The following BRAT1 variants were observed in gnomAD, a reference collection of about 807,000 sequenced individuals.
The protein encoded by BRAT1 is integrator complex assembly factor BRAT1.
BRAT1 carries 74 observed loss-of-function variants against 70.6 expected under a neutral mutation model. The ratio of observed to expected loss-of-function variants is 1.05; its 90% confidence interval spans 0.87 to 1.27. The LOEUF is 1.27. BRAT1 is among the 50% of genes most tolerant of loss of function. The pLI is 0.00. For synonymous variants in BRAT1, 615 were observed against 517.1 expected, an observed-to-expected ratio of 1.19 and a Z score of -2.57; for missense variants, 1,203 against 1,098.2, an observed-to-expected ratio of 1.10 and a Z score of -1.35.
intron 2 of BRAT1, among the ~76,000 whole-genome samples, chr7:2,552,260 G>C (rs1780098102): frequency 6.7e-6 from 1 of 149,860 alleles, no homozygotes; most frequent in African/African-American, 2.5e-5. Flanking sequence ...TGGGATTACA[G>C]GCATGGACCA....
intron 1 of BRAT1, 54 bp from the exon 2 acceptor site, chr7:2,554,501 C>CAGA: frequency 6.5e-7 from 1 of 1,543,236 alleles, no homozygotes; most frequent in Non-Finnish European, 8.7e-7. Context: ...ACCCAGCTCG[C>CAGA]TCTAGTCACA....
chr7:2,544,160 C>T (rs1779410147), intron 4 of BRAT1, 198 bp from the exon 5 acceptor site: 2 of 451,752 alleles, frequency 4.4e-6, no homozygotes, highest in South Asian at 9.1e-5. Flanking sequence ...GCGTTAAACA[C>T]ACACAGCTTG....
At chr7:2,551,292 T>C (rs1779990237) in intron 2 of BRAT1, among the ~76,000 whole-genome samples, 1 of 150,466 alleles carries the variant, frequency 6.6e-6, no homozygotes, top group Non-Finnish European at 1.5e-5. Context: ...GATATATATA[T>C]ATCTCATGCT....
At chr7:2,545,701 C>G (rs1779560336) in intron 3 of BRAT1, among the ~76,000 whole-genome samples, 1 of 152,000 alleles carries the variant, frequency 6.6e-6, no homozygotes, top group South Asian at 2.1e-4. Context: ...TGTTGGTTAG[C>G]CTGGTCTCGA....
In BRAT1 at chr7:2,543,142, ACCTC is replaced by A; in HGVS notation, c.923+58_923+61del. On this transcript the variant is annotated intron_variant, in intron 6 of 13. Transcript: ENST00000340611. The surrounding 1 kb of genome is among the most constrained non-coding windows in gnomAD (Gnocchi z 5.5). ...CCCTGCCATGAGGGCTGCGCTCTCA[ACCTC>A]CCTGCCTGCCCCAGCTCCCAGCACC... 1 of 1,492,152 alleles carries A rather than the reference ACCTC, an allele frequency of 6.7e-7. No homozygotes were observed. The highest frequency in any genetic ancestry group is 8.9e-7 in the Non-Finnish European group (1 of 1,119,568). 92.4% of individuals were successfully genotyped at this position (1,492,152 alleles called of 1,614,324 possible).
chr7:2,538,385 T>C lies in BRAT1; in HGVS notation c.2150A>G (p.Gln717Arg). ...GAAGAGAAGGAGGTCACAAGACTTC[T>C]GCGCCACAGGGCGGTCGCAGTCAAA... ...ALFDCDRPVAQKSCDLLLFLR... is the reference protein window; with the variant it reads ...ALFDCDRPVARKSCDLLLFLR... Residue 717 changes from glutamine to arginine, a missense_variant, in exon 14 of 14, where the codon CAG (glutamine) becomes CGG (arginine). Coordinates refer to ENST00000340611, the MANE Select transcript of BRAT1 (RefSeq NM_152743.4). 3 of 1,613,584 alleles carry C rather than the reference T, an allele frequency of 1.9e-6. No individual in the cohort carries two copies. The highest frequency in any genetic ancestry group is 2.5e-6 in the Non-Finnish European group (3 of 1,179,940).
At chr7:2,546,310 T>C (rs1287198985) in intron 3 of BRAT1, among the ~76,000 whole-genome samples, 1 of 151,966 alleles carries the variant, frequency 6.6e-6, no homozygotes, top group Non-Finnish European at 1.5e-5. Context: ...GTGTGGTTCA[T>C]GCACCTGTGG....
At chr7:2,546,728 C>CT (rs1779634213) in intron 3 of BRAT1, among the ~76,000 whole-genome samples, 1 of 152,068 alleles carries the variant, frequency 6.6e-6, no homozygotes, top group Non-Finnish European at 1.5e-5. Context: ...GAGCAAGACT[C>CT]TGTCTCGAAA....
At chr7:2,545,176 CAACAT>C in intron 3 of BRAT1, 120 bp from the exon 4 acceptor site, 1 of 1,140,304 alleles carries the variant, frequency 8.8e-7, no homozygotes, top group Non-Finnish European at 1.2e-6. Context: ...CCAGCCTGAC[CAACAT>C]GGTGAAACCC....
At position 2,554,359 on chromosome 7, in the gene BRAT1, C is replaced by T; in HGVS notation, c.73G>A (p.Asp25Asn). ...AGGAGCTTCTCCAAACAGGTGTCATCTGCCACCGGCTGCCTGGGATCTACC... is the reference window on the plus strand; with the variant it reads ...AGGAGCTTCTCCAAACAGGTGTCATTTGCCACCGGCTGCCTGGGATCTACC... ...VLVDPRQPVA[D>N]DTCLEKLLDW... is the part of the protein sequence containing the mutation. The change falls in exon 2 of 14, where the codon GAT becomes AAT. Residue 25 changes from aspartate to asparagine, a missense_variant. Transcript: ENST00000340611. 6.2e-7 allele frequency: 1 copy of T among 1,614,128 alleles called. No individual in the cohort carries two copies. Among genetic ancestry groups the T allele is most frequent in the Non-Finnish European group, 8.5e-7 (1 of 1,179,980 alleles).
intron 2 of BRAT1, among the ~76,000 whole-genome samples, chr7:2,553,153 T>C (rs940569512): frequency 3.9e-5 from 6 of 152,216 alleles, no homozygotes; most frequent in African/African-American, 1.4e-4. Flanking sequence ...CCCCTCAGTC[T>C]CCCAAGTAGC....
Position 2,538,550 on chromosome 7 carries a change from A to C in BRAT1, c.1985T>G (p.Leu662Arg). The change falls in exon 14 of 14, where the codon CTG (leucine) becomes CGG (arginine). Residue 662 changes from leucine to arginine, a missense_variant. Transcript: ENST00000340611. ...AQGLELALVF[L>R]GQTLGPPRTH... The stretch of plus-strand genomic sequence containing the variant: ...ACGCGGCGGCCCCAAAGTCTGGCCC[A>C]GGAACACGAGGGCCAGCTCCAGGCC... 6.2e-7 allele frequency: 1 copy of C among 1,601,474 alleles called. No homozygotes were observed. The highest frequency in any genetic ancestry group is 8.5e-7 in the Non-Finnish European group (1 of 1,177,900).
chr7:2,539,665 A>G (rs1256474429), intron 11 of BRAT1, 23 bp from the exon 12 acceptor site: 1 of 1,574,870 alleles, frequency 6.3e-7, no homozygotes. Context: ...GGGACAGGTC[A>G]GGGTGACCTT....
In BRAT1 at chr7:2,539,396, C is replaced by G. The variant is rs112426186; in HGVS notation, c.1598-45G>C. On this transcript the variant is annotated intron_variant, in intron 12 of 13. Transcript: ENST00000340611. Reference sequence around the variant, plus strand: ...CATGCAGCTGTGACTGAGGGCCGAGCCTTGTCGCCTCGGCCTCTGCCTCCA... The same window carrying G: ...CATGCAGCTGTGACTGAGGGCCGAGGCTTGTCGCCTCGGCCTCTGCCTCCA... 1.3e-3 allele frequency: 1,971 copies of G among 1,567,836 alleles called. 5 individuals carry two copies. The highest frequency in any genetic ancestry group is 3.2e-3 in the South Asian group (279 of 86,896).
chr7:2,541,214 A>G (rs928247358), intron 9 of BRAT1, 84 bp downstream of exon 9: 19 of 1,466,828 alleles, frequency 1.3e-5, no homozygotes, highest in Non-Finnish European at 1.7e-5. Flanking sequence ...AGAGAGGGAC[A>G]GCAGTTCCCG....
intron 1 of BRAT1, 91 bp from the exon 2 acceptor site, chr7:2,554,538 G>A (rs1259859357): frequency 1.4e-6 from 2 of 1,441,032 alleles, no homozygotes; most frequent in Non-Finnish European, 1.8e-6. Flanking sequence ...GCTCAGGCCT[G>A]GGAAGGGGCC....
At chr7:2,553,268 T>C (rs771859206) in intron 2 of BRAT1, among the ~76,000 whole-genome samples, 5 of 152,188 alleles carry the variant, frequency 3.3e-5, no homozygotes, top group Non-Finnish European at 7.3e-5. Context: ...TGACTTCAAG[T>C]GACCTACCCG....
chr7:2,547,511 G>A lies in BRAT1; in HGVS notation c.128-33C>T, dbSNP rs764614902. ...GATGGCCCAGCCCAGGGGTCACCAG[G>A]GGTACGGCACCAGGTGTCCCCCTGG... On this transcript the variant is annotated intron_variant, in intron 2 of 13. Coordinates refer to ENST00000340611, the MANE Select transcript of BRAT1 (RefSeq NM_152743.4). 12 of 1,605,628 alleles carry A rather than the reference G, an allele frequency of 7.5e-6. No individual in the cohort carries two copies. In the African/African-American group the frequency reaches 1.3e-4, roughly 18 times the overall value.
intron 3 of BRAT1, 65 bp from the exon 4 acceptor site, chr7:2,545,121 T>C: frequency 1.4e-6 from 2 of 1,428,970 alleles, no homozygotes; most frequent in Non-Finnish European, 9.2e-7. Flanking sequence ...ATCCCAGCAC[T>C]TTGGGAGGCC....
Sources: allele counts gnomAD v4.1 joint callset (sites outside exome capture counted in the v4.1 genomes callset), GRCh38; gene constraint gnomAD v4.1.1; non-coding constraint Gnocchi (gnomAD v3.1); transcripts MANE v1.5; gene names NCBI Gene and HGNC (gene_info 2026-07-23, HGNC 2026-07-21).